Variants in NXT1 observed in about 807,000 individuals in gnomAD.
The protein encoded by NXT1 is nuclear transport factor 2 like export factor 1.
Under a neutral mutation model 9.9 loss-of-function variants are expected in NXT1, and 3 were observed. The observed-to-expected ratio is 0.30, with a 90% CI of 0.14 to 0.79. The LOEUF (loss-of-function observed/expected upper bound fraction) is 0.79. Ranked by LOEUF, NXT1 falls within the 30% of genes least tolerant of loss-of-function variation. NXT1 has a pLI of 0.63. For missense variants in NXT1, 91 were observed against 178.2 expected (o/e 0.51, Z 2.79); for synonymous variants, 53 against 66.5 (o/e 0.80, Z 0.99).
chr20:23,353,534 C>T (rs867842759), intron 1 of NXT1, among the ~76,000 whole-genome samples: 2 of 152,144 alleles, frequency 1.3e-5, no homozygotes, highest in Non-Finnish European at 2.9e-5. Flanking sequence ...GCAAGAAAAT[C>T]GCTTGAAGCT....
chr20:23,351,100 G>GC (rs1296519865), intron 1 of NXT1, 39 bp downstream of exon 1: 4 of 152,354 alleles, frequency 2.6e-5, no homozygotes, highest in African/African-American at 9.6e-5. Context: ...CCCCGAGACA[G>GC]CCCCTAGTGC....
At chr20:23,351,906 T>G (rs572842526) in intron 1 of NXT1, among the ~76,000 whole-genome samples, 1 of 152,330 alleles carries the variant, frequency 6.6e-6, no homozygotes, top group South Asian at 2.1e-4. Context: ...TTTCATCCAT[T>G]TGTGGTAACA....
intron 1 of NXT1, among the ~76,000 whole-genome samples, chr20:23,353,440 C>T (rs779186733): frequency 6.6e-5 from 10 of 152,104 alleles, no homozygotes; most frequent in Non-Finnish European, 1.2e-4. Flanking sequence ...GCCAACATGG[C>T]GAAACCCTGT....
intron 1 of NXT1, among the ~76,000 whole-genome samples, chr20:23,352,913 C>T (rs143493391): frequency 6.6e-5 from 10 of 152,266 alleles, no homozygotes; most frequent in African/African-American, 2.4e-4. Flanking sequence ...CTGCTTCTAG[C>T]TTATCATGGG....
intron 1 of NXT1, chr20:23,351,577 A>C (rs1046325250): frequency 6.6e-6 from 1 of 152,256 alleles, no homozygotes; most frequent in African/African-American, 2.4e-5. Flanking sequence ...TTGGAAAGAC[A>C]GCCAGGGGCG....
chr20:23,352,965 G>A (rs1194098657), intron 1 of NXT1, among the ~76,000 whole-genome samples: 1 of 152,172 alleles, frequency 6.6e-6, no homozygotes, highest in Non-Finnish European at 1.5e-5. Flanking sequence ...TGTCATTTGT[G>A]TTTCTACCCT....
At position 23,354,302 on chromosome 20, in the gene NXT1, C is replaced by T. The variant is rs756215513; in HGVS notation, c.261C>T (p.Ser87=). The change falls in exon 2 of 2, where the codon AGC becomes AGT. Residue 87 remains serine (S), a synonymous_variant. Transcript: ENST00000254998. ...CTGTTCATGATGAAGCCACACCAAGCCAGACCACGGTCCTTGTTGTCATCT... is the reference window on the plus strand; with the variant it reads ...CTGTTCATGATGAAGCCACACCAAGTCAGACCACGGTCCTTGTTGTCATCT... ...CQPVHDEATP[S]QTTVLVVICG... 68 of 1,614,188 alleles carry T rather than the reference C, an allele frequency of 4.2e-5. No homozygotes were observed. The highest frequency in any genetic ancestry group is 1.6e-4 in the Middle Eastern group (1 of 6,062).
chr20:23,354,473 G>A lies in NXT1; in HGVS notation c.*9G>A, dbSNP rs756657405. 14 of 1,606,970 alleles carry A rather than the reference G, an allele frequency of 8.7e-6. No individual in the cohort carries two copies. In the East Asian group the frequency reaches 2.7e-4, roughly 31 times the overall value. On this transcript the variant is annotated 3_prime_UTR_variant, in exon 2 of 2. Coordinates refer to ENST00000254998, the MANE Select transcript of NXT1 (RefSeq NM_013248.3). Reference sequence around the variant, plus strand: ...AGGACTGGGCCAGCTAGTGGGGGTGGCAGAGGTCTCTTTGCTTCATTCAGC... The same window carrying A: ...AGGACTGGGCCAGCTAGTGGGGGTGACAGAGGTCTCTTTGCTTCATTCAGC...
Position 23,354,035 on chromosome 20 carries a change from A to G in NXT1, c.-7A>G. 1 of 1,607,752 alleles carries G rather than the reference A, an allele frequency of 6.2e-7. No homozygotes were observed. Among genetic ancestry groups the G allele is most frequent in the Non-Finnish European group, 8.5e-7 (1 of 1,174,876 alleles). On this transcript the variant is annotated 5_prime_UTR_variant, in exon 2 of 2. Transcript: ENST00000254998. Reference sequence around the variant, plus strand: ...CCTGGTGGAGCCCTCCTTCCATAGAACCAGAGATGGCATCTGTGGATTTCA... The same window carrying G: ...CCTGGTGGAGCCCTCCTTCCATAGAGCCAGAGATGGCATCTGTGGATTTCA...
chr20:23,354,242 C>T lies in NXT1; in HGVS notation c.201C>T (p.Ser67=), dbSNP rs767479234. ...SLSEFFEMLP[S]SEFQISVVDC... Reference sequence around the variant, plus strand: ...GTGAGTTTTTTGAAATGTTGCCTTCCAGCGAGTTCCAAATCAGCGTGGTAG... The same window carrying T: ...GTGAGTTTTTTGAAATGTTGCCTTCTAGCGAGTTCCAAATCAGCGTGGTAG... The change falls in exon 2 of 2, where the codon TCC becomes TCT. Residue 67 remains serine, a synonymous_variant. Coordinates refer to ENST00000254998, the MANE Select transcript of NXT1 (RefSeq NM_013248.3). 8 of 1,614,076 alleles carry T rather than the reference C, an allele frequency of 5.0e-6. No individual in the cohort carries two copies. The East Asian group carries it at 1.8e-4, about 36-fold the overall frequency.
intron 1 of NXT1, among the ~76,000 whole-genome samples, chr20:23,352,682 G>A (rs1180196162): frequency 6.6e-6 from 1 of 152,036 alleles, no homozygotes; most frequent in East Asian, 1.9e-4. Context: ...CCTGAAAAAA[G>A]TAAATGTCAA....
Position 23,354,483 on chromosome 20 carries a change from CTT to C in NXT1, c.*21_*22del, listed in dbSNP as rs77711910. On this transcript the variant is annotated 3_prime_UTR_variant, in exon 2 of 2. Coordinates refer to ENST00000254998, the MANE Select transcript of NXT1 (RefSeq NM_013248.3). ...CAGCTAGTGGGGGTGGCAGAGGTCTCTTTGCTTCATTCAGCCCTAGCTCTGTA... is the reference window on the plus strand; with the variant it reads ...CAGCTAGTGGGGGTGGCAGAGGTCTCTGCTTCATTCAGCCCTAGCTCTGTA... The C allele has an allele frequency of 0.083, 132,699 of 1,603,624 alleles. 6,882 individuals are homozygous for C. Among genetic ancestry groups the C allele is most frequent in the East Asian group, 0.27 (12,163 of 44,794 alleles).
intron 1 of NXT1, chr20:23,351,524 C>T (rs1203284291): frequency 6.6e-6 from 1 of 152,160 alleles, no homozygotes; most frequent in Non-Finnish European, 1.5e-5. Flanking sequence ...TGGAGATGGT[C>T]CTTCTATGGT....
chr20:23,352,545 A>C (rs1174548061), intron 1 of NXT1, among the ~76,000 whole-genome samples: 1 of 152,160 alleles, frequency 6.6e-6, no homozygotes, highest in Non-Finnish European at 1.5e-5. Flanking sequence ...TGAAATGAAA[A>C]AAAACTGTTC....
chr20:23,352,183 C>T (rs1980286054), intron 1 of NXT1, among the ~76,000 whole-genome samples: 1 of 152,172 alleles, frequency 6.6e-6, no homozygotes, highest in Admixed American at 6.5e-5. Context: ...GGATGCTGCG[C>T]ATAGGTTATA....
intron 1 of NXT1, chr20:23,351,437 C>T (rs1181092432): frequency 6.6e-6 from 1 of 152,246 alleles, no homozygotes; most frequent in South Asian, 2.1e-4. Flanking sequence ...TTACTCTAGT[C>T]CTCACGGTCA....
rs1418989766 is a variant in NXT1 at position 23,350,956 on chromosome 20, C to T, written c.-167C>T. ...CCTACCAGAGGCTTCGGTGGGCCCACCTTGTGACCTCCGCGGCCGGCCCCT... is the reference window on the plus strand; with the variant it reads ...CCTACCAGAGGCTTCGGTGGGCCCATCTTGTGACCTCCGCGGCCGGCCCCT... On this transcript the variant is annotated 5_prime_UTR_variant, in exon 1 of 2. Coordinates refer to ENST00000254998, the MANE Select transcript of NXT1 (RefSeq NM_013248.3). 6.6e-6 allele frequency: 1 copy of T among 152,144 alleles called. No individual in the cohort carries two copies. The highest frequency in any genetic ancestry group is 1.5e-5 in the Non-Finnish European group (1 of 68,054). 9.4% of individuals were successfully genotyped at this position (152,144 alleles called of 1,614,324 possible).
chr20:23,351,135 C>G (rs1209902291), intron 1 of NXT1, 74 bp downstream of exon 1: 1 of 152,120 alleles, frequency 6.6e-6, no homozygotes, highest in Non-Finnish European at 1.5e-5. Flanking sequence ...CCTCCATTGT[C>G]GAGAATGAGA....
chr20:23,351,517 A>C (rs1980266659), intron 1 of NXT1: 1 of 152,138 alleles, frequency 6.6e-6, no homozygotes, highest in Admixed American at 6.5e-5. Flanking sequence ...CCGTAAGTGG[A>C]GATGGTCCTT....
Sources: gnomAD v4.1 joint callset for allele counts (sites outside exome capture counted in the v4.1 genomes callset) on GRCh38, gnomAD v4.1.1 for gene constraint, MANE v1.5 for transcripts, NCBI Gene and HGNC (gene_info 2026-07-23, HGNC 2026-07-21) for gene names.